Variants in PRKCB observed in about 807,000 individuals in gnomAD.
The protein encoded by PRKCB is protein kinase C beta.
In PRKCB, 13 loss-of-function variants were observed where a neutral mutation model predicts 81.5. The observed-to-expected ratio is 0.16, with a 90% confidence interval of 0.10 to 0.25. PRKCB has a LOEUF of 0.25. Among genes scored for constraint, PRKCB ranks in the 10% least tolerant of loss-of-function variants. The pLI, the probability that PRKCB is intolerant of heterozygous loss-of-function variation, is 1.00. For synonymous variants in PRKCB, 335 were observed against 321.4 expected (o/e 1.04, Z -0.45); for missense variants, 509 against 875.7 (o/e 0.58, Z 5.29).
At chr16:23,975,583 C>T (rs187535419) in intron 2 of PRKCB, among the ~76,000 whole-genome samples, 143 of 152,282 alleles carry the variant, frequency 9.4e-4, no homozygotes, top group African/African-American at 3.4e-3. Context: ...CTGAGTCACA[C>T]GCCCACGCCT....
chr16:24,120,847 C>G (rs566976693), intron 8 of PRKCB, among the ~76,000 whole-genome samples: 42 of 152,186 alleles, frequency 2.8e-4, no homozygotes, highest in Non-Finnish European at 5.4e-4. Flanking sequence ...GATCCTCCCA[C>G]CTCAGCCTCC....
chr16:23,985,662 G>T (rs1964794344), intron 2 of PRKCB, among the ~76,000 whole-genome samples: 1 of 152,084 alleles, frequency 6.6e-6, no homozygotes, highest in Non-Finnish European at 1.5e-5. Context: ...GAGGCTGAGG[G>T]TTGACTGAAT....
At chr16:24,122,226 G>A (rs79029372) in intron 8 of PRKCB, among the ~76,000 whole-genome samples, 2,444 of 151,944 alleles carry the variant, frequency 0.016, 53 homozygotes, top group African/African-American at 0.056. Context: ...CAGGTGCAAA[G>A]GCCCTGGGGT....
chr16:24,123,014 A>T (rs1966820208), intron 8 of PRKCB, among the ~76,000 whole-genome samples: 1 of 152,330 alleles, frequency 6.6e-6, no homozygotes, highest in Middle Eastern at 3.4e-3. Flanking sequence ...TGTCAGGAAA[A>T]CCATGGAGAA....
intron 2 of PRKCB, among the ~76,000 whole-genome samples, chr16:23,977,458 T>C (rs1964640600): frequency 6.6e-6 from 1 of 152,034 alleles, no homozygotes; most frequent in Admixed American, 6.6e-5. Flanking sequence ...TTTTAAAAGC[T>C]CCCTGGTGAC....
intron 2 of PRKCB, among the ~76,000 whole-genome samples, chr16:23,982,438 G>A (rs569217552): frequency 1.4e-5 from 2 of 142,854 alleles, no homozygotes; most frequent in East Asian, 4.1e-4. Context: ...TTTTTTTTCT[G>A]GAGTCAGGGT....
At chr16:24,123,793 C>A in intron 8 of PRKCB, 42 bp from the exon 9 acceptor site, 1 of 1,607,450 alleles carries the variant, frequency 6.2e-7, no homozygotes. Flanking sequence ...CAAGATCGTC[C>A]TCAAACCCTG....
chr16:24,079,918 G>A (rs1281445215), intron 5 of PRKCB, among the ~76,000 whole-genome samples: 1 of 152,072 alleles, frequency 6.6e-6, no homozygotes, highest in African/African-American at 2.4e-5. Context: ...TTTTCCAAGT[G>A]TTAAAAGGAC....
At chr16:24,127,570 CG>C (rs1368540437) in intron 9 of PRKCB, among the ~76,000 whole-genome samples, 2 of 151,962 alleles carry the variant, frequency 1.3e-5, no homozygotes, top group African/African-American at 4.8e-5. Flanking sequence ...ACAAAACAGA[CG>C]AGAGGATGTT....
chr16:24,125,291 T>C (rs555020774), intron 9 of PRKCB, among the ~76,000 whole-genome samples: 3 of 150,886 alleles, frequency 2.0e-5, no homozygotes, highest in Admixed American at 1.3e-4. Flanking sequence ...GTTACATCCT[T>C]AGCTTGTATC....
intron 3 of PRKCB, among the ~76,000 whole-genome samples, chr16:24,013,316 A>G (rs1214292037): frequency 6.6e-6 from 1 of 152,228 alleles, no homozygotes; most frequent in African/African-American, 2.4e-5. Flanking sequence ...AGTTAAAAGT[A>G]ATTAAAAATA....
chr16:23,955,425 C>T (rs1168636012), intron 2 of PRKCB, among the ~76,000 whole-genome samples: 2 of 152,142 alleles, frequency 1.3e-5, no homozygotes, highest in East Asian at 3.8e-4. Flanking sequence ...TTCCAGCCTT[C>T]CTTTCTGATA....
At position 23,921,328 on chromosome 16, in the gene PRKCB, G is replaced by A. The variant is rs546887943; in HGVS notation, c.206-67180G>A. Among the ~76,000 whole-genome samples the A allele has an allele frequency of 3.9e-5, 6 of 152,304 alleles. No individual in the cohort carries two copies. In the South Asian group the frequency reaches 1.2e-3, roughly 32 times the overall value. On this transcript the variant is annotated intron_variant, in intron 2 of 16. Coordinates refer to ENST00000643927, the MANE Select transcript of PRKCB (RefSeq NM_002738.7). ...TAATAAGACCCACCTCATAGGGATT[G>A]TGTGGGGTTTAAATGAGAAAAGACA... is the stretch of plus-strand genomic sequence containing the variant.
chr16:23,903,808 C>T (rs1166819721), intron 2 of PRKCB, among the ~76,000 whole-genome samples: 1 of 152,146 alleles, frequency 6.6e-6, no homozygotes, highest in Non-Finnish European at 1.5e-5. Context: ...TTGACAGGCC[C>T]TTGCTAACAT....
intron 2 of PRKCB, among the ~76,000 whole-genome samples, chr16:23,896,478 A>G (rs994324423): frequency 6.6e-6 from 1 of 152,224 alleles, no homozygotes; most frequent in African/African-American, 2.4e-5. Context: ...AATTAGAGAC[A>G]CAAAAATAGA....
intron 3 of PRKCB, among the ~76,000 whole-genome samples, chr16:23,995,563 C>A (rs1415615994): frequency 6.6e-6 from 1 of 152,090 alleles, no homozygotes; most frequent in Non-Finnish European, 1.5e-5. Context: ...GACCATGGGC[C>A]ACTAAATTGC....
At chr16:24,135,795 A>G (rs1471612924) in intron 9 of PRKCB, among the ~76,000 whole-genome samples, 2 of 152,224 alleles carry the variant, frequency 1.3e-5, no homozygotes, top group Non-Finnish European at 2.9e-5. Flanking sequence ...ACACACAGAC[A>G]TATACATACA....
chr16:23,967,412 C>T (rs984306648), intron 2 of PRKCB, among the ~76,000 whole-genome samples: 1 of 152,160 alleles, frequency 6.6e-6, no homozygotes, highest in Non-Finnish European at 1.5e-5. Context: ...TGGGTCAGGA[C>T]AGCCACCTTT....
At chr16:24,020,977 T>C (rs1343090839) in intron 3 of PRKCB, among the ~76,000 whole-genome samples, 1 of 17,692 alleles carries the variant, frequency 5.7e-5, no homozygotes, top group South Asian at 2.7e-3. Context: ...GACTTTTCTT[T>C]TTCTTTCTTT....
Sources: gnomAD v4.1 joint callset for allele counts (sites outside exome capture counted in the v4.1 genomes callset) on GRCh38, gnomAD v4.1.1 for gene constraint, MANE v1.5 for transcripts, NCBI Gene and HGNC (gene_info 2026-07-23, HGNC 2026-07-21) for gene names.